The following PTPRJ variants were observed in gnomAD, a reference collection of about 807,000 sequenced individuals.
PTPRJ encodes receptor-type tyrosine-protein phosphatase eta.
Under a neutral mutation model 141.3 loss-of-function variants are expected in PTPRJ, and 129 were observed. That is an observed-to-expected ratio of 0.91 (90% CI 0.79 to 1.06). PTPRJ has a LOEUF of 1.06. Ranked by LOEUF, PTPRJ falls within the 50% of genes least tolerant of loss-of-function variation. PTPRJ has a pLI of 0.00. For missense variants in PTPRJ, 1,601 were observed against 1,679.7 expected (o/e 0.95, Z 0.82); for synonymous variants, 610 against 640.5 (o/e 0.95, Z 0.72).
intron 1 of PTPRJ, among the ~76,000 whole-genome samples, chr11:48,050,778 C>T (rs1482122269): frequency 1.3e-5 from 2 of 152,132 alleles, no homozygotes; most frequent in African/African-American, 2.4e-5. Flanking sequence ...TAAAACACAG[C>T]TCCCTCCTGT....
chr11:48,159,652 A>T (rs1021711718), intron 21 of PTPRJ, among the ~76,000 whole-genome samples: 2 of 152,226 alleles, frequency 1.3e-5, no homozygotes, highest in African/African-American at 4.8e-5. Context: ...GCTACTTGGG[A>T]GGCTGAGGCA....
intron 1 of PTPRJ, among the ~76,000 whole-genome samples, chr11:48,087,997 T>G (rs1175832657): frequency 5.3e-5 from 8 of 152,192 alleles, no homozygotes; most frequent in Non-Finnish European, 7.3e-5. Flanking sequence ...GTTTCTCAGC[T>G]CTCTCTTGGT....
At chr11:48,076,680 G>T (rs1855413491) in intron 1 of PTPRJ, among the ~76,000 whole-genome samples, 1 of 151,542 alleles carries the variant, frequency 6.6e-6, no homozygotes, top group South Asian at 2.1e-4. Context: ...TTGCATTTAA[G>T]ATTTTTTTTG....
In PTPRJ at chr11:48,113,094, T is replaced by C. The variant is rs560334491; in HGVS notation, c.352+111T>C. The C allele has an allele frequency of 7.6e-5, 66 of 866,738 alleles. No homozygotes were observed. The South Asian group carries it at 1.2e-3, about 16-fold the overall frequency. 53.7% of individuals were successfully genotyped at this position (866,738 alleles called of 1,614,324 possible). A position where few individuals can be genotyped will look rare whatever the true frequency, so the allele number is the denominator to read the frequency against. On this transcript the variant is annotated intron_variant, in intron 3 of 24. Transcript: ENST00000418331. ...CTTTTAATTACCTAAGAAAATCTTT[T>C]TAAAAATTTTTATAAAGATAGTAAT... is the stretch of plus-strand genomic sequence containing the variant.
Position 48,137,148 on chromosome 11 carries a change from A to G in PTPRJ, c.2019A>G (p.Val673=), listed in dbSNP as rs1348256759. 12 of 1,612,844 alleles carry G rather than the reference A, an allele frequency of 7.4e-6. No homozygotes were observed. Among genetic ancestry groups the G allele is most frequent in the Non-Finnish European group, 1.0e-5 (12 of 1,178,784 alleles). ...KAGNSSNATQ[V]VTDIGITDAT... ...GAAATTCCAGCAACGCAACACAAGT[A>G]GTCACGGACATTGGAATTACTGACG... is the stretch of plus-strand genomic sequence containing the variant. Residue 673 remains valine (V), a synonymous_variant, in exon 10 of 25, where the codon GTA becomes GTG. Transcript: ENST00000418331.
At chr11:48,040,647 G>C (rs1485347487) in intron 1 of PTPRJ, among the ~76,000 whole-genome samples, 1 of 145,968 alleles carries the variant, frequency 6.9e-6, no homozygotes, top group African/African-American at 2.7e-5. Context: ...GTCTTTCCAG[G>C]CTGGAGTGCG....
chr11:48,086,117 G>A (rs1855700005), intron 1 of PTPRJ, among the ~76,000 whole-genome samples: 2 of 152,212 alleles, frequency 1.3e-5, no homozygotes, highest in Admixed American at 1.3e-4. Context: ...GAGAAAAGGT[G>A]ACATGTAAAG....
intron 1 of PTPRJ, among the ~76,000 whole-genome samples, chr11:48,091,058 C>T (rs1855856423): frequency 6.6e-6 from 1 of 152,168 alleles, no homozygotes; most frequent in Admixed American, 6.5e-5. Flanking sequence ...AGGAGGGGTT[C>T]TTCAATCTGC....
chr11:48,070,757 C>T (rs535666578), intron 1 of PTPRJ, among the ~76,000 whole-genome samples: 17 of 152,270 alleles, frequency 1.1e-4, no homozygotes, highest in South Asian at 4.1e-4. Flanking sequence ...TAAATGTGAA[C>T]GTGCCATTGC....
intron 1 of PTPRJ, among the ~76,000 whole-genome samples, chr11:48,078,885 C>A (rs897178685): frequency 1.3e-5 from 2 of 148,752 alleles, no homozygotes; most frequent in Admixed American, 1.4e-4. Context: ...TCATGCCAGC[C>A]CTGAGTAGTT....
intron 4 of PTPRJ, among the ~76,000 whole-genome samples, chr11:48,122,327 G>C (rs12364481): frequency 6.6e-6 from 1 of 152,132 alleles, no homozygotes; most frequent in Admixed American, 6.5e-5. Context: ...AGGTGACCCC[G>C]AGGGGGTGGC....
intron 1 of PTPRJ, among the ~76,000 whole-genome samples, chr11:48,088,412 G>A (rs1226786503): frequency 6.6e-6 from 1 of 152,226 alleles, no homozygotes; most frequent in Non-Finnish European, 1.5e-5. Context: ...TGGGAATGGA[G>A]TGGCCCTGGC....
intron 1 of PTPRJ, among the ~76,000 whole-genome samples, chr11:48,068,779 G>A (rs1255686996): frequency 6.6e-6 from 1 of 152,212 alleles, no homozygotes; most frequent in Admixed American, 6.5e-5. Flanking sequence ...TTCTCCAGGA[G>A]CATGGGCTGG....
At chr11:48,161,802 G>A (rs1222761102) in intron 22 of PTPRJ, among the ~76,000 whole-genome samples, 2 of 152,010 alleles carry the variant, frequency 1.3e-5, no homozygotes, top group African/African-American at 4.8e-5. Context: ...TTTTAATAGA[G>A]ATGGGGTGTC....
intron 1 of PTPRJ, among the ~76,000 whole-genome samples, chr11:48,095,997 C>A (rs1268750087): frequency 6.6e-6 from 1 of 152,200 alleles, no homozygotes; most frequent in East Asian, 1.9e-4. Context: ...ATTGGTGGCT[C>A]ACCCATGGCA....
chr11:48,082,256 G>T (rs753008444), intron 1 of PTPRJ, among the ~76,000 whole-genome samples: 6 of 152,116 alleles, frequency 3.9e-5, no homozygotes, highest in Non-Finnish European at 4.4e-5. Flanking sequence ...CTTATTTGGA[G>T]ACATGGTCTT....
chr11:48,020,225 T>G lies in PTPRJ; in HGVS notation c.96+39217T>G, dbSNP rs546089970. ...TCCAAAGACATTAAATATTGCTTTG[T>G]GGGTACGTCTCCACCTTGCGTCTTA... On this transcript the variant is annotated intron_variant, in intron 1 of 24. Transcript: ENST00000418331. Among the ~76,000 whole-genome samples, 5 of 152,320 alleles carry G rather than the reference T, an allele frequency of 3.3e-5. No homozygotes were observed. The East Asian group carries it at 9.6e-4, about 29-fold the overall frequency.
At chr11:48,115,553 G>GA (rs1299735890) in intron 3 of PTPRJ, among the ~76,000 whole-genome samples, 3 of 152,198 alleles carry the variant, frequency 2.0e-5, no homozygotes, top group Non-Finnish European at 4.4e-5. Flanking sequence ...AAATGCTAAA[G>GA]AGAGTTTTTA....
At chr11:48,053,229 TTATATATAATATATTTATATAA>T (rs1340154440) in intron 1 of PTPRJ, among the ~76,000 whole-genome samples, 3 of 89,120 alleles carry the variant, frequency 3.4e-5, no homozygotes, top group Admixed American at 2.0e-4. Context: ...ATTAAATATA[TTATATATAATATATTTATATAA>T]TATATATAAT....
Sources: gnomAD v4.1 joint callset for allele counts (sites outside exome capture counted in the v4.1 genomes callset) on GRCh38, gnomAD v4.1.1 for gene constraint, MANE v1.5 for transcripts, NCBI Gene and HGNC (gene_info 2026-07-23, HGNC 2026-07-21) for gene names.